The following GLI3 variants were observed in gnomAD, a reference collection of about 807,000 sequenced individuals.
GLI3 encodes the protein GLI family zinc finger 3, also known as transcription activator GLI3.
In GLI3, 20 loss-of-function variants were observed where a neutral mutation model predicts 100.8. That is an observed-to-expected ratio of 0.20 (90% CI 0.14 to 0.29). The LOEUF (loss-of-function observed/expected upper bound fraction) is 0.29, where lower values mean the gene tolerates loss of function less well. Ranked by LOEUF, GLI3 falls within the 10% of genes least tolerant of loss-of-function variation. The pLI is 1.00. For synonymous variants in GLI3, 938 were observed against 860.5 expected (o/e 1.09, Z -1.58); for missense variants, 2,040 against 2,128.5 (o/e 0.96, Z 0.82).
At chr7:42,164,388 C>A (rs188401020) in intron 2 of GLI3, among the ~76,000 whole-genome samples, 1 of 151,932 alleles carries the variant, frequency 6.6e-6, no homozygotes, top group East Asian at 1.9e-4. Flanking sequence ...GGCATGGTGG[C>A]GCAGGCCTGT....
chr7:42,069,113 A>C (rs1784735301), intron 4 of GLI3, among the ~76,000 whole-genome samples: 1 of 152,102 alleles, frequency 6.6e-6, no homozygotes, highest in Non-Finnish European at 1.5e-5. Context: ...ACCTCAGTCA[A>C]TATCTGCTCC....
intron 10 of GLI3, among the ~76,000 whole-genome samples, chr7:42,011,461 T>G (rs1003286934): frequency 2.0e-5 from 3 of 152,146 alleles, no homozygotes; most frequent in African/African-American, 4.8e-5. Flanking sequence ...AACTTGTAAA[T>G]GAATGTTCAT....
At chr7:42,092,876 C>T (rs1031879381) in intron 3 of GLI3, among the ~76,000 whole-genome samples, 5 of 151,186 alleles carry the variant, frequency 3.3e-5, no homozygotes, top group Non-Finnish European at 5.9e-5. Flanking sequence ...TGCAGTGGTG[C>T]GATCTCAGCT....
In GLI3 at chr7:42,043,542, C is replaced by T. The variant is rs187636082; in HGVS notation, c.826+1842G>A. On this transcript the variant is annotated intron_variant, in intron 6 of 14. Transcript: ENST00000395925. ...TTGTTCTAACACAGATATCTCCGAT[C>T]TGGCTTTCTGTTAATTATTTTGTTT... Among the ~76,000 whole-genome samples the T allele has an allele frequency of 2.4e-4, 36 of 152,306 alleles. 2 individuals carry two copies. In the East Asian group the frequency reaches 4.4e-3, roughly 19 times the overall value.
intron 3 of GLI3, chr7:42,118,185 G>A (rs1158418116): frequency 2.5e-6 from 1 of 395,326 alleles, no homozygotes; most frequent in Non-Finnish European, 4.5e-6. Flanking sequence ...ACACTCAAGG[G>A]CTTTTTCACC....
intron 12 of GLI3, among the ~76,000 whole-genome samples, chr7:41,974,097 G>A (rs1359871952): frequency 2.0e-5 from 3 of 152,188 alleles, no homozygotes; most frequent in South Asian, 2.1e-4. Context: ...CAGAGGTATG[G>A]AGACCAGAAG....
intron 1 of GLI3, among the ~76,000 whole-genome samples, chr7:42,260,147 C>T (rs939531165): frequency 6.6e-6 from 1 of 152,196 alleles, no homozygotes; most frequent in African/African-American, 2.4e-5. Context: ...GCAAATCACA[C>T]TGGCTAGAGC....
chr7:42,248,533 C>T (rs906561168), intron 1 of GLI3, among the ~76,000 whole-genome samples: 1 of 152,098 alleles, frequency 6.6e-6, no homozygotes, highest in African/African-American at 2.4e-5. Flanking sequence ...AAGTGATTTG[C>T]TTAATTTACT....
intron 1 of GLI3, among the ~76,000 whole-genome samples, chr7:42,249,317 A>G (rs781355017): frequency 2.6e-5 from 4 of 152,214 alleles, no homozygotes; most frequent in Non-Finnish European, 2.9e-5. Flanking sequence ...GATGGACACT[A>G]CAATTTGAAT....
intron 2 of GLI3, among the ~76,000 whole-genome samples, chr7:42,197,935 A>C (rs918320153): frequency 2.0e-5 from 3 of 152,200 alleles, no homozygotes; most frequent in Non-Finnish European, 2.9e-5. Flanking sequence ...GGGAGCAGAG[A>C]ATCATGATTC....
At chr7:42,178,758 C>A (rs570016931) in intron 2 of GLI3, among the ~76,000 whole-genome samples, 1 of 152,170 alleles carries the variant, frequency 6.6e-6, no homozygotes, top group Non-Finnish European at 1.5e-5. Flanking sequence ...GGTTACCAAG[C>A]GGCTATGGGA....
chr7:42,178,756 A>G (rs1787531720), intron 2 of GLI3, among the ~76,000 whole-genome samples: 1 of 152,174 alleles, frequency 6.6e-6, no homozygotes. Context: ...GAGGTTACCA[A>G]GCGGCTATGG....
intron 3 of GLI3, among the ~76,000 whole-genome samples, chr7:42,096,698 G>A (rs1159539478): frequency 6.6e-6 from 1 of 152,166 alleles, no homozygotes; most frequent in Non-Finnish European, 1.5e-5. Flanking sequence ...GAGGGGGAAG[G>A]AAGAGATTCC....
At position 42,220,778 on chromosome 7, in the gene GLI3, G is replaced by A. The variant is rs1008219586; in HGVS notation, c.124+2352C>T. ...TTTGTTTTCCAAGAATCTGCCTGTCGGCTTGCAATCCATGTTTAAAAACAC... is the reference window on the plus strand; with the variant it reads ...TTTGTTTTCCAAGAATCTGCCTGTCAGCTTGCAATCCATGTTTAAAAACAC... On this transcript the variant is annotated intron_variant, in intron 2 of 14. Transcript: ENST00000395925. Among the ~76,000 whole-genome samples, 5 of 152,144 alleles carry A rather than the reference G, an allele frequency of 3.3e-5. No individual in the cohort carries two copies. In the East Asian group the frequency reaches 7.7e-4, roughly 23 times the overall value.
chr7:42,025,126 T>C, intron 9 of GLI3, 138 bp downstream of exon 9: 1 of 658,336 alleles, frequency 1.5e-6, no homozygotes, highest in East Asian at 2.7e-5. Context: ...ACATGTAGAG[T>C]ACGGCCAAGG....
chr7:42,013,727 T>A (rs972884986), intron 10 of GLI3, among the ~76,000 whole-genome samples: 8 of 152,178 alleles, frequency 5.3e-5, no homozygotes, highest in African/African-American at 9.6e-5. Context: ...ATGATAACAA[T>A]CACAATAAAA....
At chr7:42,092,958 C>T (rs944010466) in intron 3 of GLI3, among the ~76,000 whole-genome samples, 6 of 151,742 alleles carry the variant, frequency 4.0e-5, no homozygotes, top group African/African-American at 1.5e-4. Flanking sequence ...GGATTACAGA[C>T]ACCCGCCACC....
intron 10 of GLI3, among the ~76,000 whole-genome samples, chr7:42,004,516 A>T (rs1788393703): frequency 6.6e-6 from 1 of 152,194 alleles, no homozygotes; most frequent in South Asian, 2.1e-4. Flanking sequence ...GAAAGGAAAA[A>T]TGCATACAGA....
At chr7:42,172,734 T>A (rs777267964) in intron 2 of GLI3, 3 of 669,060 alleles carry the variant, frequency 4.5e-6, no homozygotes, top group Non-Finnish European at 5.4e-6. Flanking sequence ...GAGTTTTCCG[T>A]GAGTAAAGTT....
Sources: gnomAD v4.1 joint callset for allele counts (sites outside exome capture counted in the v4.1 genomes callset) on GRCh38, gnomAD v4.1.1 for gene constraint, MANE v1.5 for transcripts, NCBI Gene and HGNC (gene_info 2026-07-23, HGNC 2026-07-21) for gene names.